Variants in RNF10 observed in about 807,000 individuals in gnomAD.
RNF10 encodes the protein E3 ubiquitin-protein ligase RNF10.
RNF10 carries 38 observed loss-of-function variants against 91.4 expected under a neutral mutation model. The ratio of observed to expected loss-of-function variants is 0.42; its 90% CI spans 0.32 to 0.54. The LOEUF is 0.54. Ranked by LOEUF, RNF10 falls within the 20% of genes least tolerant of loss-of-function variation. The probability of loss-of-function intolerance (pLI) is 0.16; values close to 1 mark genes in which losing one functional copy is unlikely to be tolerated. For synonymous variants in RNF10, 364 were observed against 366.3 expected, an observed-to-expected ratio of 0.99 and a Z score of 0.07; for missense variants, 945 against 1,012.0, an observed-to-expected ratio of 0.93 and a Z score of 0.90.
chr12:120,565,347 T>C (rs985502405), intron 11 of RNF10, 81 bp from the exon 12 acceptor site: 32 of 1,348,088 alleles, frequency 2.4e-5, no homozygotes. Flanking sequence ...CCTACTGTTG[T>C]GGGTTTAGCT....
intron 2 of RNF10, among the ~76,000 whole-genome samples, chr12:120,551,301 T>TG (rs1873041373): frequency 6.8e-6 from 1 of 146,482 alleles, no homozygotes; most frequent in South Asian, 2.2e-4. Flanking sequence ...TTTTTTTTTT[T>TG]TTTTTTTTTT....
At chr12:120,569,536 A>ATTTTTTTTTTTTTTT (rs1326256466) in intron 13 of RNF10, among the ~76,000 whole-genome samples, 1 of 41,262 alleles carries the variant, frequency 2.4e-5, no homozygotes, top group African/African-American at 7.4e-5. Context: ...TGTGATATGC[A>ATTTTTTTTTTTTTTT]TCTTTTTTTT....
At chr12:120,543,578 G>T (rs1289315282) in intron 1 of RNF10, among the ~76,000 whole-genome samples, 1 of 152,160 alleles carries the variant, frequency 6.6e-6, no homozygotes, top group Non-Finnish European at 1.5e-5. Flanking sequence ...GAGGCTGGTG[G>T]ATCGCTTGAG....
intron 7 of RNF10, among the ~76,000 whole-genome samples, chr12:120,561,221 G>T (rs957452667): frequency 6.6e-6 from 1 of 152,130 alleles, no homozygotes. Flanking sequence ...AGAGTTCTTT[G>T]TTTTCTGGGA....
Position 120,568,673 on chromosome 12 carries a change from T to G in RNF10, c.2041+1693T>G, listed in dbSNP as rs750107069. On this transcript the variant is annotated intron_variant, in intron 13 of 16. Transcript: ENST00000325954. The stretch of plus-strand genomic sequence containing the variant: ...GTATTTTTAATAGAGACAGGGTCTC[T>G]CCATGTTGGCCAGGCTGGTCTCGAA... 3.9e-5 allele frequency among the ~76,000 whole-genome samples: 6 copies of G among 151,942 alleles called. No homozygotes were observed. In the South Asian group the frequency reaches 1.3e-3, roughly 32 times the overall value.
intron 2 of RNF10, 97 bp downstream of exon 2, chr12:120,546,698 A>G: frequency 5.6e-6 from 6 of 1,071,938 alleles, no homozygotes; most frequent in Non-Finnish European, 8.0e-6. Context: ...GGGGAACAAG[A>G]GGTAGAGGAA....
At chr12:120,564,780 T>G (rs992849040) in intron 10 of RNF10, among the ~76,000 whole-genome samples, 1 of 152,216 alleles carries the variant, frequency 6.6e-6, no homozygotes, top group East Asian at 1.9e-4. Flanking sequence ...CCCTCAGCTG[T>G]GGGGCCTTGA....
chr12:120,538,143 G>A (rs891243304), intron 1 of RNF10, among the ~76,000 whole-genome samples: 1 of 152,182 alleles, frequency 6.6e-6, no homozygotes, highest in Non-Finnish European at 1.5e-5. Context: ...GAATTACAGA[G>A]TACTGAGTTG....
rs185584125 is a variant in RNF10, at chr12:120,576,092, A to C, written c.2359+142A>C. On this transcript the variant is annotated intron_variant, in intron 16 of 16. Coordinates refer to ENST00000325954, the MANE Select transcript of RNF10 (RefSeq NM_014868.5). ...CAGCACACTCTAGTGTCATTTAAAT[A>C]ATACTCCATTTGGTATGTCAGATAG... 1.1e-5 allele frequency: 9 copies of C among 844,598 alleles called. No homozygotes were observed. The African/African-American group carries it at 1.4e-4, about 13-fold the overall frequency. The allele number at this position is 844,598 out of a possible 1,614,324, so 52.3% of individuals were successfully genotyped here.
intron 1 of RNF10, among the ~76,000 whole-genome samples, chr12:120,538,783 G>A (rs1221742033): frequency 2.6e-5 from 4 of 152,148 alleles, no homozygotes; most frequent in East Asian, 1.9e-4. Context: ...GGTATTATGA[G>A]GCAGTTATTT....
rs554370538 is a variant in RNF10 at position 120,566,876 on chromosome 12, A to G, written c.1937A>G (p.Asn646Ser). Residue 646 changes from asparagine to serine, a missense_variant, in exon 13 of 17, where the codon AAT (asparagine) becomes AGT (serine). Coordinates refer to ENST00000325954, the MANE Select transcript of RNF10 (RefSeq NM_014868.5). Reference protein sequence around the residue: ...LENLQQFPAFNSYTCSSDSAL... With the variant: ...LENLQQFPAFSSYTCSSDSAL... ...AATCTACAGCAGTTTCCTGCCTTCA[A>G]TTCTTATACCTGCTCCTCTGATTCT... The G allele has an allele frequency of 6.7e-5, 108 of 1,613,966 alleles. No homozygotes were observed. The highest frequency in any genetic ancestry group is 3.3e-4 in the Middle Eastern group (2 of 6,062).
At chr12:120,563,684 C>T in intron 9 of RNF10, 61 bp downstream of exon 9, 1 of 1,569,604 alleles carries the variant, frequency 6.4e-7, no homozygotes, top group Non-Finnish European at 8.6e-7. Context: ...TGACCCGGTG[C>T]TCTAAGCAGA....
chr12:120,565,645 T>C, intron 12 of RNF10, 116 bp downstream of exon 12: 1 of 813,628 alleles, frequency 1.2e-6, no homozygotes. Context: ...CTTTTAAATG[T>C]GAATCATGAG....
At chr12:120,555,001 G>T (rs891306760) in intron 4 of RNF10, among the ~76,000 whole-genome samples, 193 bp downstream of exon 4, 5 of 152,160 alleles carry the variant, frequency 3.3e-5, no homozygotes, top group Non-Finnish European at 7.3e-5. Flanking sequence ...CTGGCCTGTA[G>T]GGATGGTGTA....
chr12:120,542,929 C>A (rs980142859), intron 1 of RNF10, among the ~76,000 whole-genome samples: 4 of 152,158 alleles, frequency 2.6e-5, no homozygotes, highest in African/African-American at 9.7e-5. Context: ...TAGCCTGTTT[C>A]TGTGACTGTT....
At chr12:120,549,233 T>C (rs1872707484) in intron 2 of RNF10, among the ~76,000 whole-genome samples, 1 of 152,094 alleles carries the variant, frequency 6.6e-6, no homozygotes, top group African/African-American at 2.4e-5. Context: ...CAGTGGAATA[T>C]CTAAGGTGAG....
chr12:120,554,526 T>C (rs1444922620), intron 3 of RNF10, 192 bp from the exon 4 acceptor site: 7 of 555,982 alleles, frequency 1.3e-5, no homozygotes, highest in African/African-American at 1.9e-5. Context: ...TTTAGACTTC[T>C]GCCTGCTGAG....
chr12:120,576,602 GAAAGA>G lies in RNF10; in HGVS notation c.2381_2385del (p.Arg794LysfsTer99). 2 of 1,613,714 alleles carry G rather than the reference GAAAGA, an allele frequency of 1.2e-6. No individual in the cohort carries two copies. Among genetic ancestry groups the G allele is most frequent in the Non-Finnish European group, 1.7e-6 (2 of 1,179,822 alleles). On this transcript the variant is annotated frameshift_variant, in exon 17 of 17. Transcript: ENST00000325954. LOFTEE classifies it high-confidence loss of function. Reference sequence around the variant, plus strand: ...TGTCTCCCTTTAGAAGAGAAAGGAGGAAAGAAAAGAAAAAAACAGAAACAGAAGCT... The same window carrying G: ...TGTCTCCCTTTAGAAGAGAAAGGAGGAAAGAAAAAAACAGAAACAGAAGCT...
rs763178057 is a variant in RNF10 at position 120,563,928 on chromosome 12, C to T, written c.1650C>T (p.Gly550=). The T allele has an allele frequency of 5.0e-6, 8 of 1,614,160 alleles. No homozygotes were observed. Among genetic ancestry groups the T allele is most frequent in the Middle Eastern group, 1.7e-4 (1 of 6,060 alleles). Residue 550 remains glycine, a synonymous_variant, in exon 10 of 17, where the codon GGC becomes GGT. Coordinates refer to ENST00000325954, the MANE Select transcript of RNF10 (RefSeq NM_014868.5). Reference sequence around the variant, plus strand: ...CAGCAACTGTGGTGGAGATTGCTGGCTACTCCATGTCTGAGGTGAGGCCTT... The same window carrying T: ...CAGCAACTGTGGTGGAGATTGCTGGTTACTCCATGTCTGAGGTGAGGCCTT... ...KISATVVEIA[G]YSMSEDVRQR...
Sources: gnomAD v4.1 joint callset for allele counts (sites outside exome capture counted in the v4.1 genomes callset) on GRCh38, gnomAD v4.1.1 for gene constraint, MANE v1.5 for transcripts, NCBI Gene and HGNC (gene_info 2026-07-23, HGNC 2026-07-21) for gene names.